The following ATG2B variants were observed in gnomAD, a reference collection of about 807,000 sequenced individuals.
The protein encoded by ATG2B is autophagy related 2B.
ATG2B carries 121 observed loss-of-function variants against 241.3 expected under a neutral mutation model. The ratio of observed to expected loss-of-function variants is 0.50; its 90% CI spans 0.43 to 0.58. The LOEUF is 0.58. Ranked by LOEUF, ATG2B falls within the 20% of genes least tolerant of loss-of-function variation. The probability of loss-of-function intolerance (pLI) is 0.00; values close to 1 mark genes in which losing one functional copy is unlikely to be tolerated. For missense variants in ATG2B, 2,306 were observed against 2,491.6 expected, an observed-to-expected ratio of 0.93 and a Z score of 1.59; for synonymous variants, 858 against 876.6, an observed-to-expected ratio of 0.98 and a Z score of 0.37.
At chr14:96,316,168 G>A (rs890508576) in intron 21 of ATG2B, among the ~76,000 whole-genome samples, 2 of 152,132 alleles carry the variant, frequency 1.3e-5, no homozygotes, top group Non-Finnish European at 2.9e-5. Context: ...GTGTGTTTAC[G>A]GGAAGGAGAG....
In ATG2B at chr14:96,317,860, A is replaced by G. The variant is rs200221360; in HGVS notation, c.2880-5T>C. On this transcript the variant is annotated splice_polypyrimidine_tract_variant and splice_region_variant and intron_variant, in intron 18 of 41. Coordinates refer to ENST00000359933, the MANE Select transcript of ATG2B (RefSeq NM_018036.7). The stretch of plus-strand genomic sequence containing the variant: ...AGTAGCAAGTCATTAAAGATCCTAT[A>G]AAGACAAAAGTTGAAAAATAAGTAC... The G allele has an allele frequency of 6.3e-5, 100 of 1,582,546 alleles. No individual in the cohort carries two copies. The African/African-American group carries it at 1.3e-3, about 20-fold the overall frequency.
At chr14:96,302,580 A>G (rs11160328) in intron 33 of ATG2B, among the ~76,000 whole-genome samples, 6 of 70,352 alleles carry the variant, frequency 8.5e-5, no homozygotes, top group Admixed American at 3.6e-4. Flanking sequence ...TGTTGGGGGG[A>G]AAAAAAAAAC....
At position 96,284,714 on chromosome 14, in the gene ATG2B, A is replaced by G. The variant is rs183862169; in HGVS notation, c.*1041T>C. 25 of 152,360 alleles carry G rather than the reference A, an allele frequency of 1.6e-4. No homozygotes were observed. The highest frequency in any genetic ancestry group is 1.9e-4 in the Non-Finnish European group (13 of 68,042). 9.4% of individuals were successfully genotyped at this position (152,360 alleles called of 1,614,324 possible). ...TGCATCTATGAATATGCTCTAAGAA[A>G]AGCAAAATATTCATGGAAGCATAAA... is the stretch of plus-strand genomic sequence containing the variant. On this transcript the variant is annotated 3_prime_UTR_variant, in exon 42 of 42. Coordinates refer to ENST00000359933, the MANE Select transcript of ATG2B (RefSeq NM_018036.7).
chr14:96,341,693 C>A lies in ATG2B; in HGVS notation c.753G>T (p.Glu251Asp). 6.4e-7 allele frequency: 1 copy of A among 1,562,594 alleles called. No homozygotes were observed. Residue 251 changes from glutamate (E) to aspartate (D), a missense_variant, in exon 6 of 42, where the codon GAG becomes GAT. Glu to Asp is a conservative substitution (Grantham distance 45). This residue lies in a region of ATG2B where 1,927 missense variants were observed against 2,011.2 expected (regional missense o/e 0.96). Transcript: ENST00000359933. Reference sequence around the variant, plus strand: ...GGTTCCAGCTAGGTGAGAGCTTTGGCTCAGTTTCCTACAATAAAGTGACAA... The same window carrying A: ...GGTTCCAGCTAGGTGAGAGCTTTGGATCAGTTTCCTACAATAAAGTGACAA... ...PVCSTAPVET[E>D]PKLSPSWNPK...
intron 34 of ATG2B, among the ~76,000 whole-genome samples, chr14:96,299,223 C>T (rs562085189): frequency 1.2e-4 from 19 of 152,234 alleles, no homozygotes; most frequent in African/African-American, 4.6e-4. Context: ...AAAATCTTCA[C>T]CTGCCTAGCT....
At chr14:96,344,616 C>T (rs374009960) in intron 4 of ATG2B, 38 bp downstream of exon 4, 2 of 1,199,654 alleles carry the variant, frequency 1.7e-6, no homozygotes, top group African/African-American at 1.5e-5. Context: ...ATCAGAGTTA[C>T]AATAGGGTCA....
intron 1 of ATG2B, among the ~76,000 whole-genome samples, chr14:96,352,381 TAA>T (rs919800317): frequency 6.8e-6 from 1 of 146,140 alleles, no homozygotes; most frequent in Non-Finnish European, 1.5e-5. Flanking sequence ...ACTCCTACTT[TAA>T]AAAAAAAAAA....
Position 96,285,871 on chromosome 14 carries a change from T to C in ATG2B, c.6121A>G (p.Lys2041Glu). The C allele has an allele frequency of 1.2e-6, 2 of 1,614,152 alleles. No individual in the cohort carries two copies. The highest frequency in any genetic ancestry group is 1.7e-6 in the Non-Finnish European group (2 of 1,180,020). Reference sequence around the variant, plus strand: ...GCTTCTGTGGCAACAATCAGAGGTTTCACCACTGCCGGAGGAATCTGGCGC... The same window carrying C: ...GCTTCTGTGGCAACAATCAGAGGTTCCACCACTGCCGGAGGAATCTGGCGC... Reference protein sequence around the residue: ...VLRQIPPAVVKPLIVATEATS... With the variant: ...VLRQIPPAVVEPLIVATEATS... The change falls in exon 42 of 42, where the codon AAA becomes GAA. Residue 2041 changes from lysine (K) to glutamate (E), a missense_variant. Lys to Glu is a moderately conservative substitution (Grantham distance 56). This residue lies in a region of ATG2B where 379 missense variants were observed against 480.4 expected (regional missense o/e 0.79). Coordinates refer to ENST00000359933, the MANE Select transcript of ATG2B (RefSeq NM_018036.7). The surrounding 1 kb of genome is among the most constrained non-coding windows in gnomAD (Gnocchi z 4.2).
In ATG2B at chr14:96,323,913, A is replaced by T; in HGVS notation, c.2523T>A (p.Asp841Glu). ...TTACTCACCGTGGCCAGTCAAAGTC[A>T]TCTGACGATGTTGTATCTCCATCTA... ...SGVDGDTTSS[D>E]DFDWPRIVLK... is the part of the protein sequence containing the mutation. Residue 841 changes from aspartate (D) to glutamate (E), a missense_variant, in exon 16 of 42, where the codon GAT (aspartate) becomes GAA (glutamate). Transcript: ENST00000359933. The T allele has an allele frequency of 1.2e-6, 2 of 1,609,594 alleles. No individual in the cohort carries two copies. The highest frequency in any genetic ancestry group is 1.7e-6 in the Non-Finnish European group (2 of 1,178,076).
intron 8 of ATG2B, among the ~76,000 whole-genome samples, chr14:96,333,374 C>A (rs1887789160): frequency 6.6e-6 from 1 of 152,046 alleles, no homozygotes; most frequent in Admixed American, 6.6e-5. Flanking sequence ...AATAATTTGA[C>A]AAAATATATA....
intron 1 of ATG2B, among the ~76,000 whole-genome samples, chr14:96,351,716 G>T (rs1277645698): frequency 6.7e-6 from 1 of 148,868 alleles, no homozygotes; most frequent in Admixed American, 6.7e-5. Flanking sequence ...AGCCTGGGCG[G>T]CAGAGCAAGA....
intron 36 of ATG2B, among the ~76,000 whole-genome samples, chr14:96,294,497 T>C (rs997826781): frequency 9.2e-5 from 14 of 152,012 alleles, no homozygotes; most frequent in African/African-American, 2.4e-4. Flanking sequence ...CAGTGCCCAC[T>C]GAGCAGGGAG....
At chr14:96,294,060 T>G (rs758283952) in intron 36 of ATG2B, among the ~76,000 whole-genome samples, 3 of 152,270 alleles carry the variant, frequency 2.0e-5, no homozygotes, top group African/African-American at 2.4e-5. Context: ...GAATCATCTA[T>G]TCCAAGATCT....
chr14:96,319,531 T>C (rs1887405715), intron 18 of ATG2B, among the ~76,000 whole-genome samples: 1 of 151,990 alleles, frequency 6.6e-6, no homozygotes, highest in African/African-American at 2.4e-5. Context: ...AAGGAGTAAA[T>C]CAACATTTTA....
At chr14:96,288,813 A>T (rs538095745) in intron 41 of ATG2B, among the ~76,000 whole-genome samples, 1 of 152,018 alleles carries the variant, frequency 6.6e-6, no homozygotes, top group Non-Finnish European at 1.5e-5. Flanking sequence ...CCCAGAAAAA[A>T]AAAAAAAAAC....
At position 96,332,314 on chromosome 14, in the gene ATG2B, G is replaced by A. The variant is rs761769150; in HGVS notation, c.1459C>T (p.Gln487Ter). ...TCTTATTTTTACTTACATGTCTTCT[G>A]TAAAGGTGTTGGGTGAACTAGGTTG... ...PSNLVHPTPL[Q>*]KTSLPSRSVS... The change falls in exon 10 of 42, where the codon CAG (glutamine) becomes TAG (stop). Residue 487 changes from glutamine to a stop codon, truncating the protein, a stop_gained. Coordinates refer to ENST00000359933, the MANE Select transcript of ATG2B (RefSeq NM_018036.7). LOFTEE classifies it high-confidence loss of function. 3 of 1,611,968 alleles carry A rather than the reference G, an allele frequency of 1.9e-6. No individual in the cohort carries two copies. Among genetic ancestry groups the A allele is most frequent in the Admixed American group, 1.7e-5 (1 of 59,998 alleles).
chr14:96,345,325 T>C lies in ATG2B; in HGVS notation c.386A>G (p.Lys129Arg). Residue 129 changes from lysine to arginine, a missense_variant, in exon 3 of 42, where the codon AAA becomes AGA. Physicochemically the swap from Lys to Arg is conservative, Grantham distance 26 (BLOSUM62 2). Around this residue, in one of 2 missense-constraint regions of ATG2B, gnomAD observed 1,927 missense variants for 2,011.2 expected, o/e 0.96. Transcript: ENST00000359933. ...SFMTSSMQLAKECLSQKLTDE... is the reference protein window; with the variant it reads ...SFMTSSMQLARECLSQKLTDE... ...TGTTAGTTTCTGGCTAAGACATTCT[T>C]TTGCCAATTGCATACTGCTGGTCAT... 1 of 1,613,410 alleles carries C rather than the reference T, an allele frequency of 6.2e-7. No homozygotes were observed. The highest frequency in any genetic ancestry group is 8.5e-7 in the Non-Finnish European group (1 of 1,179,596).
In ATG2B at chr14:96,304,620, A is replaced by T; in HGVS notation, c.4734-17T>A. The stretch of plus-strand genomic sequence containing the variant: ...TGGGGACTACTAAAAATGAGCAAAA[A>T]AAAAAAAAACCCTTTTGTTAAAGGA... On this transcript the variant is annotated splice_polypyrimidine_tract_variant and intron_variant, in intron 31 of 41. Transcript: ENST00000359933. 6.5e-7 allele frequency: 1 copy of T among 1,542,486 alleles called. No homozygotes were observed. Among genetic ancestry groups the T allele is most frequent in the Non-Finnish European group, 8.8e-7 (1 of 1,133,686 alleles).
intron 36 of ATG2B, chr14:96,292,923 A>C (rs1566713820): frequency 6.6e-6 from 1 of 152,178 alleles, no homozygotes; most frequent in African/African-American, 2.4e-5. Flanking sequence ...TATACTCTAA[A>C]TCATTTCTAG....
Sources: gnomAD v4.1 joint callset for allele counts (sites outside exome capture counted in the v4.1 genomes callset) on GRCh38, gnomAD v4.1.1 for gene constraint, gnomAD v4.1.1 regional missense constraint, Gnocchi (gnomAD v3.1) non-coding constraint, MANE v1.5 for transcripts, NCBI Gene and HGNC (gene_info 2026-07-23, HGNC 2026-07-21) for gene names.